PDGFD: variants seen among roughly 807,000 people sequenced by gnomAD.
The protein encoded by PDGFD is platelet derived growth factor D.
A neutral mutation model predicts 44.7 loss-of-function variants in PDGFD; 30 were observed. The observed-to-expected ratio is 0.67, with a 90% CI of 0.50 to 0.91. PDGFD has a LOEUF of 0.91. Among genes scored for constraint, PDGFD ranks in the 40% least tolerant of loss-of-function variants. The pLI, the probability that PDGFD is intolerant of heterozygous loss-of-function variation, is 0.00. For missense variants in PDGFD, 445 were observed against 457.8 expected (o/e 0.97, Z 0.25); for synonymous variants, 173 against 168.4 (o/e 1.03, Z -0.21).
intron 1 of PDGFD, among the ~76,000 whole-genome samples, chr11:104,144,622 T>C (rs1283230993): frequency 6.6e-6 from 1 of 151,994 alleles, no homozygotes; most frequent in Non-Finnish European, 1.5e-5. Context: ...CAATTCAATG[T>C]TGATGAAGCC....
intron 1 of PDGFD, among the ~76,000 whole-genome samples, chr11:104,144,600 T>C (rs1181833907): frequency 6.6e-6 from 1 of 151,440 alleles, no homozygotes; most frequent in African/African-American, 2.4e-5. Flanking sequence ...GCAAGCAGAT[T>C]TATGATACAA....
intron 1 of PDGFD, among the ~76,000 whole-genome samples, chr11:104,116,887 T>G (rs148175616): frequency 6.6e-6 from 1 of 151,994 alleles, no homozygotes; most frequent in Admixed American, 6.6e-5. Flanking sequence ...GCTGCTGCCA[T>G]GTAAGAAGTG....
At position 104,070,983 on chromosome 11, in the gene PDGFD, G is replaced by A. The variant is rs868227177; in HGVS notation, c.125-70728C>T. Among the ~76,000 whole-genome samples the A allele has an allele frequency of 3.9e-5, 6 of 152,148 alleles. No homozygotes were observed. The South Asian group carries it at 1.2e-3, about 32-fold the overall frequency. ...GATATTACAAAATTCCCCTCTATAA[G>A]TTGTACCAATGAATATTTCTACCAG... On this transcript the variant is annotated intron_variant, in intron 1 of 6. Coordinates refer to ENST00000393158, the MANE Select transcript of PDGFD (RefSeq NM_025208.5).
chr11:103,972,110 C>T (rs1464893029), intron 3 of PDGFD, among the ~76,000 whole-genome samples: 1 of 152,168 alleles, frequency 6.6e-6, no homozygotes, highest in Non-Finnish European at 1.5e-5. Flanking sequence ...ACCAGGGTAA[C>T]TCTGAATGGT....
chr11:104,031,046 A>C (rs1447325662), intron 1 of PDGFD, among the ~76,000 whole-genome samples: 1 of 152,224 alleles, frequency 6.6e-6, no homozygotes, highest in East Asian at 1.9e-4. Context: ...CCCTAGAAGA[A>C]AATCTAGGCA....
At chr11:104,059,413 A>T (rs1432818496) in intron 1 of PDGFD, among the ~76,000 whole-genome samples, 1 of 152,206 alleles carries the variant, frequency 6.6e-6, no homozygotes, top group African/African-American at 2.4e-5. Context: ...TATCTTTATC[A>T]TCCATTATTT....
chr11:104,102,461 C>T (rs1410911937), intron 1 of PDGFD, among the ~76,000 whole-genome samples: 3 of 152,152 alleles, frequency 2.0e-5, no homozygotes, highest in Admixed American at 1.3e-4. Flanking sequence ...GAAATAGGAA[C>T]ACTTTTACAC....
At chr11:104,138,918 C>A (rs755218745) in intron 1 of PDGFD, among the ~76,000 whole-genome samples, 1 of 152,070 alleles carries the variant, frequency 6.6e-6, no homozygotes, top group South Asian at 2.1e-4. Context: ...CAAGTCACCA[C>A]GTCCAGCTAA....
chr11:103,914,096 G>C (rs1314772707), intron 6 of PDGFD, among the ~76,000 whole-genome samples: 1 of 152,192 alleles, frequency 6.6e-6, no homozygotes, highest in Non-Finnish European at 1.5e-5. Context: ...AAAAGAGATA[G>C]CGAGAGGGTG....
intron 5 of PDGFD, among the ~76,000 whole-genome samples, chr11:103,934,694 T>A (rs1000843762): frequency 6.6e-5 from 10 of 152,240 alleles, no homozygotes; most frequent in African/African-American, 2.4e-4. Context: ...CTGCCCTTTA[T>A]AAAATCATCA....
rs180924106 is a variant in PDGFD at position 104,159,027 on chromosome 11, C to T, written c.124+4777G>A. 5.3e-5 allele frequency among the ~76,000 whole-genome samples: 8 copies of T among 151,804 alleles called. No individual in the cohort carries two copies. The East Asian group carries it at 1.6e-3, about 30-fold the overall frequency. Reference sequence around the variant, plus strand: ...AATTAGCCCGAGGCGGTGGTAGGCGCCTGTAGTCCCAGCTACTCGGGAGGC... The same window carrying T: ...AATTAGCCCGAGGCGGTGGTAGGCGTCTGTAGTCCCAGCTACTCGGGAGGC... On this transcript the variant is annotated intron_variant, in intron 1 of 6. Transcript: ENST00000393158.
intron 1 of PDGFD, among the ~76,000 whole-genome samples, chr11:104,146,013 G>C (rs1862156999): frequency 6.6e-6 from 1 of 152,158 alleles, no homozygotes. Flanking sequence ...GGACCTTCCA[G>C]CCTCCAGGAC....
intron 6 of PDGFD, among the ~76,000 whole-genome samples, chr11:103,913,452 A>G (rs188370065): frequency 3.3e-5 from 5 of 152,346 alleles, no homozygotes; most frequent in East Asian, 1.9e-4. Context: ...TTTGAAACCA[A>G]TGAGAACAAA....
At chr11:104,161,749 A>G (rs1483506) in intron 1 of PDGFD, among the ~76,000 whole-genome samples, 48,781 of 152,034 alleles carry the variant, frequency 0.32, 7,913 homozygotes, top group Middle Eastern at 0.37. Context: ...ATATTGCCCC[A>G]CTTGAAGAAT....
chr11:104,019,632 C>T (rs956514449), intron 1 of PDGFD, among the ~76,000 whole-genome samples: 6 of 152,016 alleles, frequency 3.9e-5, no homozygotes, highest in Non-Finnish European at 5.9e-5. Flanking sequence ...AGCGCCAACT[C>T]CAAAAATGTT....
rs117700176 is a variant in PDGFD at position 103,944,601 on chromosome 11, A to G, written c.574-951T>C. On this transcript the variant is annotated intron_variant, in intron 4 of 6. Coordinates refer to ENST00000393158, the MANE Select transcript of PDGFD (RefSeq NM_025208.5). ...AAATATCTCCTATCACTAAGGGAAA[A>G]TAGGAATTAATGAAAACTTGCTTTC... Among the ~76,000 whole-genome samples, 865 of 152,336 alleles carry G rather than the reference A, an allele frequency of 5.7e-3. 3 individuals are homozygous for G. The highest frequency in any genetic ancestry group is 8.8e-3 in the Non-Finnish European group (599 of 68,026).
chr11:103,976,091 T>C (rs1859179724), intron 3 of PDGFD, among the ~76,000 whole-genome samples: 3 of 152,178 alleles, frequency 2.0e-5, no homozygotes, highest in Admixed American at 6.5e-5. Context: ...TTGGGCATTA[T>C]GGCCATTTTC....
chr11:104,028,477 C>A (rs901072261), intron 1 of PDGFD, among the ~76,000 whole-genome samples: 2 of 148,498 alleles, frequency 1.3e-5, no homozygotes, highest in South Asian at 4.3e-4. Flanking sequence ...TATTGAGGAG[C>A]TGATGATCCT....
intron 6 of PDGFD, among the ~76,000 whole-genome samples, chr11:103,914,279 T>C (rs975735992): frequency 3.3e-5 from 5 of 152,288 alleles, no homozygotes; most frequent in Non-Finnish European, 7.4e-5. Flanking sequence ...CCACATTCTG[T>C]ATTCACGATA....
Sources: allele counts gnomAD v4.1 joint callset (sites outside exome capture counted in the v4.1 genomes callset), GRCh38; gene constraint gnomAD v4.1.1; transcripts MANE v1.5; gene names NCBI Gene and HGNC (gene_info 2026-07-23, HGNC 2026-07-21).